The following CORIN variants were observed in gnomAD, a reference collection of about 807,000 sequenced individuals.
CORIN encodes atrial natriuretic peptide-converting enzyme.
Under a neutral mutation model 125.3 loss-of-function variants are expected in CORIN, and 117 were observed. The ratio of observed to expected loss-of-function variants is 0.93; its 90% CI spans 0.80 to 1.09. The LOEUF (loss-of-function observed/expected upper bound fraction) is 1.09. CORIN is among the 50% of genes least tolerant of loss of function. The pLI is 0.00. For synonymous variants in CORIN, 450 were observed against 466.4 expected (o/e 0.96, Z 0.45); for missense variants, 1,253 against 1,306.7 (o/e 0.96, Z 0.63).
In CORIN at chr4:47,594,074, A is replaced by T. The variant is rs2109490891; in HGVS notation, c.*1647T>A. 6.6e-6 allele frequency: 1 copy of T among 152,166 alleles called. No homozygotes were observed. The highest frequency in any genetic ancestry group is 2.1e-4 in the South Asian group (1 of 4,824). The allele number at this position is 152,166 out of a possible 1,614,324, so 9.4% of individuals were successfully genotyped here. On this transcript the variant is annotated 3_prime_UTR_variant, in exon 22 of 22. Transcript: ENST00000273857. The stretch of plus-strand genomic sequence containing the variant: ...TAATATATATATTTCACTGAGCCTA[A>T]GTTGAGCAGGCTAAAAGTTGATACA...
chr4:47,599,027 C>A (rs948491916), intron 21 of CORIN, among the ~76,000 whole-genome samples: 1 of 152,132 alleles, frequency 6.6e-6, no homozygotes, highest in Admixed American at 6.6e-5. Flanking sequence ...ATAACTTCCC[C>A]GGGTTATACT....
At chr4:47,661,974 A>G in intron 11 of CORIN, 118 bp from the exon 12 acceptor site, 2 of 952,724 alleles carry the variant, frequency 2.1e-6, no homozygotes, top group Non-Finnish European at 2.9e-6. Context: ...GGGTGTGTGG[A>G]TATAAAAGAT....
At position 47,755,766 on chromosome 4, in the gene CORIN, C is replaced by T. The variant is rs982982674; in HGVS notation, c.617+7613G>A. 1.2e-4 allele frequency among the ~76,000 whole-genome samples: 18 copies of T among 152,222 alleles called. No individual in the cohort carries two copies. In the Middle Eastern group the frequency reaches 0.01, roughly 86 times the overall value. ...TTATCTCTGGAAATATTATCCAAGT[C>T]GCCTTAAAGTTTCAATTCCCTTAAT... On this transcript the variant is annotated intron_variant, in intron 4 of 21. Transcript: ENST00000273857.
intron 3 of CORIN, among the ~76,000 whole-genome samples, chr4:47,785,079 G>A (rs1037623997): frequency 2.6e-5 from 4 of 152,190 alleles, no homozygotes; most frequent in African/African-American, 9.7e-5. Flanking sequence ...TCCCTTTGTG[G>A]GTTTTCATGA....
chr4:47,627,260 G>A (rs1381253310), intron 16 of CORIN, among the ~76,000 whole-genome samples: 1 of 152,122 alleles, frequency 6.6e-6, no homozygotes, highest in Admixed American at 6.6e-5. Flanking sequence ...TAGGATTACA[G>A]GCATGAACCA....
rs185736730 is a variant in CORIN, at chr4:47,758,310, T to C, written c.617+5069A>G. ...TGAAAGATCTCTACACAAATAACTA[T>C]AAACATTGAAAAAAATTGAAGAAGG... On this transcript the variant is annotated intron_variant, in intron 4 of 21. Transcript: ENST00000273857. Among the ~76,000 whole-genome samples the C allele has an allele frequency of 7.6e-4, 115 of 152,148 alleles. No individual in the cohort carries two copies. The Middle Eastern group carries it at 0.017, about 23-fold the overall frequency.
Position 47,812,731 on chromosome 4 carries a change from G to T in CORIN, c.64-5684C>A, listed in dbSNP as rs1732115281. Among the ~76,000 whole-genome samples the T allele has an allele frequency of 1.3e-5, 2 of 152,160 alleles. 1 individual carries two copies. Among genetic ancestry groups the T allele is most frequent in the South Asian group, 4.1e-4 (2 of 4,824 alleles). On this transcript the variant is annotated intron_variant, in intron 1 of 21. Coordinates refer to ENST00000273857, the MANE Select transcript of CORIN (RefSeq NM_006587.4). ...ATTCAGTCTATTTCTTGCTATATAT[G>T]CAAATATTGCCCTTTTCTCATCAGT...
chr4:47,739,914 A>T (rs988761720), intron 5 of CORIN, among the ~76,000 whole-genome samples: 2 of 151,924 alleles, frequency 1.3e-5, no homozygotes, highest in Admixed American at 6.6e-5. Flanking sequence ...TTCCAGCACA[A>T]CCAATAAGAA....
intron 5 of CORIN, among the ~76,000 whole-genome samples, chr4:47,711,454 A>G (rs958698151): frequency 1.1e-4 from 17 of 152,228 alleles, no homozygotes; most frequent in Admixed American, 7.2e-4. Flanking sequence ...ACGTGCTGCC[A>G]TGTACTTCCT....
chr4:47,631,108 G>T (rs992894217), intron 16 of CORIN, among the ~76,000 whole-genome samples: 6 of 152,126 alleles, frequency 3.9e-5, no homozygotes, highest in Non-Finnish European at 7.4e-5. Context: ...TATGTAGAGT[G>T]ATTCCTGTGC....
At chr4:47,601,245 T>A (rs930253915) in intron 20 of CORIN, among the ~76,000 whole-genome samples, 1 of 152,172 alleles carries the variant, frequency 6.6e-6, no homozygotes, top group Non-Finnish European at 1.5e-5. Context: ...TAGTTGCTAT[T>A]TTTTTCCATT....
In CORIN at chr4:47,837,978, C is replaced by A. The variant is rs745912914; in HGVS notation, c.-29G>T. The stretch of plus-strand genomic sequence containing the variant: ...TAAAAAGTCTCGCTTATTCTTCTGT[C>A]CACTTTTATCTTGGTCGCTTTTCTC... On this transcript the variant is annotated 5_prime_UTR_variant, in exon 1 of 22. Transcript: ENST00000273857. 6.2e-7 allele frequency: 1 copy of A among 1,608,964 alleles called. No individual in the cohort carries two copies. The highest frequency in any genetic ancestry group is 8.5e-7 in the Non-Finnish European group (1 of 1,179,966).
intron 9 of CORIN, among the ~76,000 whole-genome samples, chr4:47,676,020 G>C (rs1725002629): frequency 6.6e-6 from 1 of 152,150 alleles, no homozygotes; most frequent in African/African-American, 2.4e-5. Flanking sequence ...GAAGTGCACA[G>C]GTCAAAGTAA....
At chr4:47,647,717 T>A (rs1723549414) in intron 13 of CORIN, among the ~76,000 whole-genome samples, 1 of 152,210 alleles carries the variant, frequency 6.6e-6, no homozygotes, top group Admixed American at 6.5e-5. Flanking sequence ...GGGATCCAGG[T>A]ACAAGTCATC....
chr4:47,613,501 G>A (rs1270525303), intron 19 of CORIN, among the ~76,000 whole-genome samples: 5 of 152,008 alleles, frequency 3.3e-5, no homozygotes, highest in South Asian at 2.1e-4. Context: ...TAAAAGAAAG[G>A]CATGAAATCA....
chr4:47,830,227 G>C (rs1732921320), intron 1 of CORIN, among the ~76,000 whole-genome samples: 1 of 147,670 alleles, frequency 6.8e-6, no homozygotes, highest in South Asian at 2.2e-4. Context: ...CATGGTGTTT[G>C]TTTTTTTTTT....
intron 4 of CORIN, among the ~76,000 whole-genome samples, chr4:47,746,741 C>T (rs1261439488): frequency 1.3e-5 from 2 of 152,032 alleles, no homozygotes; most frequent in African/African-American, 4.8e-5. Flanking sequence ...AACATGTTGG[C>T]CAGGCTGGTC....
chr4:47,628,693 A>G (rs1256324779), intron 16 of CORIN, among the ~76,000 whole-genome samples: 1 of 152,146 alleles, frequency 6.6e-6, no homozygotes, highest in African/African-American at 2.4e-5. Flanking sequence ...TAGATTCCAC[A>G]TATAAATGAG....
intron 2 of CORIN, among the ~76,000 whole-genome samples, chr4:47,795,720 T>C (rs558540423): frequency 6.6e-6 from 1 of 152,002 alleles, no homozygotes; most frequent in South Asian, 2.1e-4. Context: ...AGAGTTAATA[T>C]TCAAAATATG....
Sources: allele counts gnomAD v4.1 joint callset (sites outside exome capture counted in the v4.1 genomes callset), GRCh38; gene constraint gnomAD v4.1.1; transcripts MANE v1.5; gene names NCBI Gene and HGNC (gene_info 2026-07-23, HGNC 2026-07-21).